The following C13orf46 variants were observed in gnomAD, a reference collection of about 807,000 sequenced individuals.
C13orf46 encodes uncharacterized protein C13orf46.
At chr13:113,939,744 G>C in the C13orf46 span, among the ~76,000 whole-genome samples, 1 of 152,210 alleles carries the variant, frequency 6.6e-6, no homozygotes, top group Non-Finnish European at 1.5e-5. Context: ...CCTGTGCGCT[G>C]TGTATCCTGG....
intron 1 of C13orf46, among the ~76,000 whole-genome samples, chr13:113,971,965 G>A (rs1460466938): frequency 1.3e-5 from 2 of 152,198 alleles, no homozygotes; most frequent in African/African-American, 4.8e-5. Flanking sequence ...TGAGGGTGCT[G>A]GTGCCTGGGG....
Position 113,956,599 on chromosome 13 carries a change from G to A in C13orf46, c.*174C>T, listed in dbSNP as rs2138976599. 1 of 152,546 alleles carries A rather than the reference G, an allele frequency of 6.6e-6. No homozygotes were observed. The highest frequency in any genetic ancestry group is 1.5e-5 in the Non-Finnish European group (1 of 68,238). 9.4% of individuals were successfully genotyped at this position (152,546 alleles called of 1,614,324 possible). ...GCAGTCTGTGCTCTCGCTCCTTCCA[G>A]GCCTGGCCAGTCCCACAAGAAGAAA... On this transcript the variant is annotated 3_prime_UTR_variant, in exon 7 of 7. Transcript: ENST00000636427.
intron 6 of C13orf46, among the ~76,000 whole-genome samples, chr13:113,962,057 G>A (rs903045270): frequency 0.054 from 8,182 of 152,274 alleles, 664 homozygotes; most frequent in African/African-American, 0.18. Context: ...GTGTTGGGCA[G>A]GTACAGGAAA....
intron 6 of C13orf46, among the ~76,000 whole-genome samples, chr13:113,959,053 G>C (rs2052565841): frequency 6.6e-6 from 1 of 152,130 alleles, no homozygotes; most frequent in Non-Finnish European, 1.5e-5. Flanking sequence ...GAGGCAGGTG[G>C]ATCACTTGAG....
Position 113,954,058 on chromosome 13 carries a change from A to G in C13orf46, c.*2715T>C, listed in dbSNP as rs2052501307. 6 of 152,162 alleles carry G rather than the reference A, an allele frequency of 3.9e-5. No homozygotes were observed. 9.4% of individuals were successfully genotyped at this position (152,162 alleles called of 1,614,324 possible). Reference sequence around the variant, plus strand: ...TGCCCCACTTTGATCAGAGGAAACTACCCAGTGGGACAAGCTCTGCGTGGC... The same window carrying G: ...TGCCCCACTTTGATCAGAGGAAACTGCCCAGTGGGACAAGCTCTGCGTGGC... On this transcript the variant is annotated 3_prime_UTR_variant, in exon 7 of 7. Transcript: ENST00000636427.
the C13orf46 span, among the ~76,000 whole-genome samples, chr13:113,945,671 A>AGAAAGAAG: frequency 2.2e-5 from 3 of 134,190 alleles, no homozygotes; most frequent in Non-Finnish European, 3.3e-5. Context: ...AAAGAAAGAA[A>AGAAAGAAG]GGAAAGAAAA....
intron 1 of C13orf46, among the ~76,000 whole-genome samples, chr13:113,971,948 C>T (rs989841390): frequency 1.3e-5 from 2 of 152,196 alleles, no homozygotes; most frequent in South Asian, 2.1e-4. Flanking sequence ...GCCGTGGTCT[C>T]GAACCCTGAG....
chr13:113,960,830 G>A (rs1360180124), intron 6 of C13orf46, among the ~76,000 whole-genome samples: 4 of 152,212 alleles, frequency 2.6e-5, no homozygotes, highest in Non-Finnish European at 4.4e-5. Context: ...CAGGTTACCT[G>A]CATGGGCTTC....
chr13:113,958,634 G>T (rs1301565339), intron 6 of C13orf46, among the ~76,000 whole-genome samples: 1 of 152,246 alleles, frequency 6.6e-6, no homozygotes, highest in African/African-American at 2.4e-5. Flanking sequence ...CACGGCGTGG[G>T]GCAATGGACA....
At chr13:113,952,477 G>A (rs1028397383), downstream of C13orf46, among the ~76,000 whole-genome samples, 45,434 of 152,124 alleles carry the variant, frequency 0.3, 7,657 homozygotes, top group East Asian at 0.45. Flanking sequence ...CACCATGTGG[G>A]GCTGGGCCAT....
At chr13:113,957,173 T>C (rs952812019) in intron 6 of C13orf46, among the ~76,000 whole-genome samples, 9 of 148,296 alleles carry the variant, frequency 6.1e-5, no homozygotes, top group Non-Finnish European at 1.2e-4. Flanking sequence ...TGCAACCCCT[T>C]TCATCAAGCG....
In C13orf46 at chr13:113,973,566, G is replaced by A. The variant is rs147608102; in HGVS notation, c.190+242C>T. On this transcript the variant is annotated intron_variant, in intron 1 of 6. Coordinates refer to ENST00000636427, the MANE Select transcript of C13orf46 (RefSeq NM_001365455.2). ...AGGCTGTCCCTTTCCGGACAGAACC[G>A]ACGTACCCCCTCACAGGTGCTGATT... Among the ~76,000 whole-genome samples, 1,167 of 152,220 alleles carry A rather than the reference G, an allele frequency of 7.7e-3. 10 individuals carry two copies. The highest frequency in any genetic ancestry group is 0.012 in the Non-Finnish European group (808 of 68,016).
At chr13:113,942,074 A>T in the C13orf46 span, among the ~76,000 whole-genome samples, 1 of 152,262 alleles carries the variant, frequency 6.6e-6, no homozygotes, top group South Asian at 2.1e-4. Context: ...CAACATGAAG[A>T]GCTGCCAAAG....
chr13:113,935,551 A>G, the C13orf46 span, among the ~76,000 whole-genome samples: 5 of 152,354 alleles, frequency 3.3e-5, no homozygotes, highest in Admixed American at 2.6e-4. Context: ...AATATCTCCC[A>G]GAAAGCAAAC....
At chr13:113,931,476 T>A in the C13orf46 span, among the ~76,000 whole-genome samples, 1 of 151,902 alleles carries the variant, frequency 6.6e-6, no homozygotes, top group Non-Finnish European at 1.5e-5. Context: ...TGGAAGGGAG[T>A]ACACCCCTCC....
At chr13:113,947,045 G>T in the C13orf46 span, among the ~76,000 whole-genome samples, 1 of 152,250 alleles carries the variant, frequency 6.6e-6, no homozygotes, top group African/African-American at 2.4e-5. Context: ...TGGGAGAGAG[G>T]GGCCAGCCAC....
chr13:113,931,542 C>G, the C13orf46 span, among the ~76,000 whole-genome samples: 1 of 152,162 alleles, frequency 6.6e-6, no homozygotes, highest in South Asian at 2.1e-4. Flanking sequence ...ACGGCACCTG[C>G]GGGTGACAGG....
At chr13:113,936,120 C>G in the C13orf46 span, among the ~76,000 whole-genome samples, 1 of 152,168 alleles carries the variant, frequency 6.6e-6, no homozygotes, top group African/African-American at 2.4e-5. Flanking sequence ...CAATGAAGAG[C>G]CGGAGAAACT....
At position 113,955,119 on chromosome 13, in the gene C13orf46, C is replaced by G. The variant is rs941146820; in HGVS notation, c.*1654G>C. On this transcript the variant is annotated 3_prime_UTR_variant, in exon 7 of 7. Coordinates refer to ENST00000636427, the MANE Select transcript of C13orf46 (RefSeq NM_001365455.2). ...AGCAGCTGGTGGAGAGGAGCAGCAGCTGGTGGAGACGAGGAGCATCCGGTG... is the reference window on the plus strand; with the variant it reads ...AGCAGCTGGTGGAGAGGAGCAGCAGGTGGTGGAGACGAGGAGCATCCGGTG... 3.1e-5 allele frequency: 7 copies of G among 226,786 alleles called. No individual in the cohort carries two copies. In the East Asian group the frequency reaches 1.2e-3, roughly 39 times the overall value. The allele number at this position is 226,786 out of a possible 1,614,324, so 14.0% of individuals were successfully genotyped here.
Sources: gnomAD v4.1 joint callset for allele counts (sites outside exome capture counted in the v4.1 genomes callset) on GRCh38, gnomAD v4.1.1 for gene constraint, MANE v1.5 for transcripts, NCBI Gene and HGNC (gene_info 2026-07-23, HGNC 2026-07-21) for gene names.